Variants in TIAM1 observed in about 807,000 individuals in gnomAD.
TIAM1 encodes TIAM Rac1 associated GEF 1, also known as rho guanine nucleotide exchange factor TIAM1.
TIAM1 carries 65 observed loss-of-function variants against 163.5 expected under a neutral mutation model. The ratio of observed to expected loss-of-function variants is 0.40; its 90% CI spans 0.33 to 0.49. The LOEUF is 0.49. Ranked by LOEUF, TIAM1 falls within the 20% of genes least tolerant of loss-of-function variation. The pLI, the probability that TIAM1 is intolerant of heterozygous loss-of-function variation, is 0.77. For missense variants in TIAM1, 1,789 were observed against 2,044.7 expected, an observed-to-expected ratio of 0.87 and a Z score of 2.41; for synonymous variants, 833 against 810.1, an observed-to-expected ratio of 1.03 and a Z score of -0.48.
In TIAM1 at chr21:31,154,701, C is replaced by A. The variant is rs77955377; in HGVS notation, c.2992-275G>T. Among the ~76,000 whole-genome samples, 1,113 of 152,256 alleles carry A rather than the reference C, an allele frequency of 7.3e-3. 14 individuals are homozygous for A. The highest frequency in any genetic ancestry group is 0.025 in the African/African-American group (1,043 of 41,538). Reference sequence around the variant, plus strand: ...CCACACGGTAAGGACAACGGAAGCCCAGAGGGGTTAAGTAACTCATCCAAG... The same window carrying A: ...CCACACGGTAAGGACAACGGAAGCCAAGAGGGGTTAAGTAACTCATCCAAG... On this transcript the variant is annotated intron_variant, in intron 16 of 27. Coordinates refer to ENST00000541036, the MANE Select transcript of TIAM1 (RefSeq NM_001353694.2).
chr21:31,144,830 G>GAAAAAAA (rs764835303), intron 20 of TIAM1, among the ~76,000 whole-genome samples: 75 of 74,378 alleles, frequency 1.0e-3, no homozygotes, highest in Non-Finnish European at 1.2e-3. Flanking sequence ...CTCCATCTCA[G>GAAAAAAA]AAAAAAAAAA....
intron 2 of TIAM1, among the ~76,000 whole-genome samples, chr21:31,370,796 A>T (rs1248420663): frequency 6.6e-6 from 1 of 152,192 alleles, no homozygotes; most frequent in African/African-American, 2.4e-5. Context: ...TCCAATATTT[A>T]AAAATAAGAA....
chr21:31,144,849 A>AAG (rs1223459977), intron 20 of TIAM1, among the ~76,000 whole-genome samples: 1 of 144,932 alleles, frequency 6.9e-6, no homozygotes, highest in African/African-American at 2.8e-5. Flanking sequence ...AAAAAAAAAA[A>AAG]AAAGAAAAGA....
chr21:31,262,748 ATGTGTTTTC>A (rs1300913325), intron 4 of TIAM1, among the ~76,000 whole-genome samples: 1 of 152,206 alleles, frequency 6.6e-6, no homozygotes, highest in Admixed American at 6.5e-5. Flanking sequence ...TTCAGATAAA[ATGTGTTTTC>A]TTCCAGGCTT....
chr21:31,293,218 C>T (rs773674646), intron 2 of TIAM1, among the ~76,000 whole-genome samples: 5 of 152,094 alleles, frequency 3.3e-5, no homozygotes, highest in African/African-American at 4.8e-5. Context: ...AAAAATGATG[C>T]TGCAGTTTGA....
intron 2 of TIAM1, among the ~76,000 whole-genome samples, chr21:31,371,783 C>T (rs541129134): frequency 4.2e-4 from 64 of 152,128 alleles, no homozygotes; most frequent in Non-Finnish European, 8.1e-4. Context: ...CAGGAAAGTC[C>T]TTCTAACTCC....
chr21:31,285,192 C>A (rs1027853189), intron 2 of TIAM1, among the ~76,000 whole-genome samples: 12 of 152,154 alleles, frequency 7.9e-5, no homozygotes, highest in Admixed American at 3.9e-4. Context: ...AGCCACCCCC[C>A]CAAGCCAATT....
chr21:31,222,513 C>G (rs1168718422), intron 8 of TIAM1, among the ~76,000 whole-genome samples: 39 of 151,638 alleles, frequency 2.6e-4, no homozygotes, highest in Admixed American at 2.4e-3. Flanking sequence ...GTTCAGCTGG[C>G]GAATCACAGA....
intron 2 of TIAM1, among the ~76,000 whole-genome samples, chr21:31,297,925 C>T (rs1042414933): frequency 3.9e-5 from 6 of 152,090 alleles, no homozygotes; most frequent in African/African-American, 9.7e-5. Flanking sequence ...CCGAGTATGA[C>T]GATACATATA....
At chr21:31,203,596 T>A (rs563027528) in intron 11 of TIAM1, among the ~76,000 whole-genome samples, 46 of 152,358 alleles carry the variant, frequency 3.0e-4, no homozygotes, top group African/African-American at 1.1e-3. Flanking sequence ...CCTTATTTGA[T>A]TCATTGTGCT....
At chr21:31,379,319 T>C (rs1175661010) in intron 2 of TIAM1, among the ~76,000 whole-genome samples, 1 of 152,188 alleles carries the variant, frequency 6.6e-6, no homozygotes, top group Non-Finnish European at 1.5e-5. Context: ...TTTTAGTATC[T>C]GTGGGGGAGC....
At chr21:31,394,977 C>T (rs889950590) in intron 2 of TIAM1, among the ~76,000 whole-genome samples, 5 of 152,144 alleles carry the variant, frequency 3.3e-5, no homozygotes, top group African/African-American at 1.2e-4. Flanking sequence ...ATGGCTCATA[C>T]CTGTAACCCC....
intron 8 of TIAM1, among the ~76,000 whole-genome samples, chr21:31,219,298 C>T (rs558820855): frequency 2.7e-4 from 41 of 152,242 alleles, no homozygotes; most frequent in African/African-American, 9.6e-4. Flanking sequence ...GCCACCCACC[C>T]GCTCGCCTTT....
Position 31,146,926 on chromosome 21 carries a change from G to A in TIAM1, c.3444C>T (p.Ser1148=). 1.9e-6 allele frequency: 3 copies of A among 1,614,080 alleles called. No homozygotes were observed. Among genetic ancestry groups the A allele is most frequent in the Non-Finnish European group, 2.5e-6 (3 of 1,180,004 alleles). ...RFKLYSAFCA[S]HTKVPKVLVK... ...CCAGGACCTTGGGAACTTTTGTGTG[G>A]CTGGCGCAGAAGGCACTGTAGAGCT... Residue 1148 remains serine, a synonymous_variant, in exon 20 of 28, where the codon AGC becomes AGT. Transcript: ENST00000541036.
chr21:31,244,553 C>T (rs556243067), intron 6 of TIAM1, among the ~76,000 whole-genome samples: 41 of 152,208 alleles, frequency 2.7e-4, no homozygotes, highest in Admixed American at 9.8e-4. Context: ...GGTGAAACCC[C>T]GTATCTACTG....
Position 31,421,713 on chromosome 21 carries a change from G to A in TIAM1, c.-369+42270C>T, listed in dbSNP as rs544466568. Among the ~76,000 whole-genome samples the A allele has an allele frequency of 2.4e-4, 36 of 152,294 alleles. No homozygotes were observed. The South Asian group carries it at 7.5e-3, about 32-fold the overall frequency. ...AGCATTCAGAAGGAGCATGCCAGCC[G>A]GCTGCAGTGGCCACGCCTATAATCC... On this transcript the variant is annotated intron_variant, in intron 2 of 28. Coordinates refer to the TIAM1 transcript ENST00000286827.
intron 1 of TIAM1, among the ~76,000 whole-genome samples, chr21:31,530,261 A>G (rs1172174305): frequency 6.6e-6 from 1 of 152,236 alleles, no homozygotes; most frequent in Non-Finnish European, 1.5e-5. Flanking sequence ...TTTGCTGCCA[A>G]GCAAAGTTAT....
intron 6 of TIAM1, among the ~76,000 whole-genome samples, chr21:31,236,312 G>A (rs768342703): frequency 1.3e-5 from 2 of 152,170 alleles, no homozygotes; most frequent in Non-Finnish European, 2.9e-5. Context: ...ATATCCTAGA[G>A]TTGGCCCTTC....
At chr21:31,535,380 CAAAAAAAA>C (rs59742048) in intron 1 of TIAM1, among the ~76,000 whole-genome samples, 20 of 54,298 alleles carry the variant, frequency 3.7e-4, no homozygotes, top group African/African-American at 1.4e-3. Context: ...GGCTCCATCT[CAAAAAAAA>C]AAAAAAAAAA....
Sources: gnomAD v4.1 joint callset for allele counts (sites outside exome capture counted in the v4.1 genomes callset) on GRCh38, gnomAD v4.1.1 for gene constraint, MANE v1.5 for transcripts, NCBI Gene and HGNC (gene_info 2026-07-23, HGNC 2026-07-21) for gene names.